Variants in TRPM3 observed in about 807,000 individuals in gnomAD.
The protein encoded by TRPM3 is long transient receptor potential channel 3.
TRPM3 carries 77 observed loss-of-function variants against 181.2 expected under a neutral mutation model. That is an observed-to-expected ratio of 0.42 (90% confidence interval 0.35 to 0.51). The LOEUF (loss-of-function observed/expected upper bound fraction) is 0.51, where lower values mean the gene tolerates loss of function less well. TRPM3 is among the 20% of genes least tolerant of loss of function. TRPM3 has a pLI of 0.01. For synonymous variants in TRPM3, 745 were observed against 796.4 expected (o/e 0.94, Z 1.09); for missense variants, 1,759 against 2,196.7 (o/e 0.80, Z 3.98).
At chr9:70,565,717 A>C (rs1477372197) in intron 22 of TRPM3, among the ~76,000 whole-genome samples, 2 of 152,226 alleles carry the variant, frequency 1.3e-5, no homozygotes, top group Admixed American at 1.3e-4. Flanking sequence ...TTTAAATTAT[A>C]TTTTAAATAA....
chr9:70,880,463 G>T (rs1388272575), intron 1 of TRPM3, among the ~76,000 whole-genome samples: 1 of 152,018 alleles, frequency 6.6e-6, no homozygotes, highest in Admixed American at 6.6e-5. Context: ...GATGGTCCTT[G>T]CTAGCTTTCA....
chr9:71,023,269 A>C (rs978301159), intron 1 of TRPM3, among the ~76,000 whole-genome samples: 45 of 152,202 alleles, frequency 3.0e-4, no homozygotes, highest in African/African-American at 1.0e-3. Context: ...AGGGAAATGC[A>C]AATTAAAACC....
At chr9:70,992,047 C>T (rs2097491803) in intron 1 of TRPM3, among the ~76,000 whole-genome samples, 1 of 152,182 alleles carries the variant, frequency 6.6e-6, no homozygotes, top group South Asian at 2.1e-4. Context: ...AGGACAATCA[C>T]TCATTTCTTT....
chr9:71,390,843 G>A (rs1224249616), intron 1 of TRPM3, among the ~76,000 whole-genome samples: 1 of 151,946 alleles, frequency 6.6e-6, no homozygotes, highest in Non-Finnish European at 1.5e-5. Context: ...CATTGCAATT[G>A]TGATGAGTGC....
At chr9:70,955,319 G>A (rs1216841472) in intron 1 of TRPM3, among the ~76,000 whole-genome samples, 5 of 152,096 alleles carry the variant, frequency 3.3e-5, no homozygotes, top group African/African-American at 1.2e-4. Context: ...AAGACTGAAG[G>A]CTATTCTTTG....
intron 1 of TRPM3, among the ~76,000 whole-genome samples, chr9:71,415,618 C>A (rs541077486): frequency 6.6e-6 from 1 of 151,912 alleles, no homozygotes; most frequent in African/African-American, 2.4e-5. Context: ...AATTATAAAT[C>A]TCAGCTGCTG....
chr9:70,554,945 G>C (rs2047289211), intron 22 of TRPM3, among the ~76,000 whole-genome samples: 2 of 152,094 alleles, frequency 1.3e-5, no homozygotes, highest in Admixed American at 6.5e-5. Flanking sequence ...CCCTGTAAGA[G>C]GTCCTGATCA....
intron 1 of TRPM3, among the ~76,000 whole-genome samples, chr9:71,143,263 T>C (rs2075225560): frequency 1.3e-5 from 2 of 152,320 alleles, no homozygotes; most frequent in South Asian, 4.1e-4. Context: ...TGGGGGTTTA[T>C]TGTACAGATT....
intron 21 of TRPM3, among the ~76,000 whole-genome samples, chr9:70,592,273 A>T (rs2058255552): frequency 6.6e-6 from 1 of 152,204 alleles, no homozygotes; most frequent in Non-Finnish European, 1.5e-5. Flanking sequence ...TGATAGAAGC[A>T]GGGATTTGAC....
At chr9:70,840,631 TGAGGAGTGAAGG>T (rs1261158356) in intron 5 of TRPM3, among the ~76,000 whole-genome samples, 4 of 151,434 alleles carry the variant, frequency 2.6e-5, no homozygotes, top group Non-Finnish European at 5.9e-5. Context: ...AGAAAAAAAA[TGAGGAGTGAAGG>T]GAGAAGTTGA....
Position 70,993,483 on chromosome 9 carries a change from T to C in TRPM3, c.177+127695A>G, listed in dbSNP as rs1045493460. Among the ~76,000 whole-genome samples, 14 of 152,240 alleles carry C rather than the reference T, an allele frequency of 9.2e-5. 1 individual carries two copies. Among genetic ancestry groups the C allele is most frequent in the African/African-American group, 3.1e-4 (13 of 41,556 alleles). ...GCTTTAGCATTGGATGATCCTCCTA[T>C]TGACTGGGATAATAATTGGAAGAGG... On this transcript the variant is annotated intron_variant, in intron 1 of 25. Transcript: ENST00000677713.
At chr9:70,812,177 C>T (rs1252351984) in intron 6 of TRPM3, among the ~76,000 whole-genome samples, 1 of 152,302 alleles carries the variant, frequency 6.6e-6, no homozygotes, top group African/African-American at 2.4e-5. Flanking sequence ...GGGAAGATCC[C>T]AAATCCTCAA....
intron 6 of TRPM3, among the ~76,000 whole-genome samples, chr9:70,788,274 C>T (rs2084422978): frequency 6.7e-6 from 1 of 150,140 alleles, no homozygotes. Context: ...CTTAGCTGAT[C>T]ATAAGCCTAT....
intron 9 of TRPM3, among the ~76,000 whole-genome samples, chr9:70,666,214 A>ATCT (rs1235215278): frequency 6.6e-6 from 1 of 152,190 alleles, no homozygotes. Flanking sequence ...TCCAGGCAGA[A>ATCT]GCCTTAGCAA....
intron 1 of TRPM3, among the ~76,000 whole-genome samples, chr9:71,049,649 C>T (rs897378661): frequency 2.0e-5 from 3 of 152,126 alleles, no homozygotes; most frequent in African/African-American, 7.2e-5. Flanking sequence ...GAGAAGGTCC[C>T]TGGAAGCAAT....
intron 9 of TRPM3, among the ~76,000 whole-genome samples, chr9:70,663,815 T>G (rs1425488395): frequency 6.6e-6 from 1 of 152,176 alleles, no homozygotes; most frequent in African/African-American, 2.4e-5. Context: ...CTGTGTCTGG[T>G]TACCCTTTAC....
chr9:71,206,504 G>C (rs774899974), intron 1 of TRPM3, among the ~76,000 whole-genome samples: 36 of 152,106 alleles, frequency 2.4e-4, no homozygotes, highest in Non-Finnish European at 4.3e-4. Flanking sequence ...CAGATGGACA[G>C]ACTGCAAAAA....
intron 8 of TRPM3, among the ~76,000 whole-genome samples, chr9:70,743,120 A>C (rs148636593): frequency 1.1e-4 from 16 of 152,320 alleles, no homozygotes; most frequent in African/African-American, 3.1e-4. Flanking sequence ...GGATATTCAC[A>C]GATTTTTCAA....
intron 1 of TRPM3, among the ~76,000 whole-genome samples, chr9:70,939,776 G>A (rs1194754911): frequency 6.6e-6 from 1 of 152,140 alleles, no homozygotes; most frequent in African/African-American, 2.4e-5. Flanking sequence ...CTAGCCCTGG[G>A]GAAGTCGCTT....
Sources: allele counts gnomAD v4.1 joint callset (sites outside exome capture counted in the v4.1 genomes callset), GRCh38; gene constraint gnomAD v4.1.1; transcripts MANE v1.5; gene names NCBI Gene and HGNC (gene_info 2026-07-23, HGNC 2026-07-21).